Variants in CADPS2 observed in about 807,000 individuals in gnomAD.
CADPS2 encodes the protein calcium dependent secretion activator 2, also known as calcium-dependent secretion activator 2.
CADPS2 carries 93 observed loss-of-function variants against 172.5 expected under a neutral mutation model. That is an observed-to-expected ratio of 0.54 (90% confidence interval 0.46 to 0.64). CADPS2 has a LOEUF of 0.64. Among genes scored for constraint, CADPS2 ranks in the 30% least tolerant of loss-of-function variants. The pLI is 0.00. For synonymous variants in CADPS2, 546 were observed against 555.2 expected, an observed-to-expected ratio of 0.98 and a Z score of 0.23; for missense variants, 1,420 against 1,565.9, an observed-to-expected ratio of 0.91 and a Z score of 1.57.
At chr7:122,862,934 T>C (rs1167604876) in intron 1 of CADPS2, among the ~76,000 whole-genome samples, 1 of 152,162 alleles carries the variant, frequency 6.6e-6, no homozygotes, top group Admixed American at 6.5e-5. Flanking sequence ...ACTTATATAA[T>C]AAAGAAGTCT....
chr7:122,534,438 T>A lies in CADPS2; in HGVS notation c.1475+20112A>T, dbSNP rs1230335318. 2.0e-5 allele frequency among the ~76,000 whole-genome samples: 3 copies of A among 152,090 alleles called. No individual in the cohort carries two copies. In the East Asian group the frequency reaches 5.8e-4, roughly 29 times the overall value. ...ATATATTTACTAGGCTGAAAGATAT[T>A]ATGCAGATTTGTTTTTCATATAATT... On this transcript the variant is annotated intron_variant, in intron 8 of 29. Coordinates refer to ENST00000449022, the MANE Select transcript of CADPS2 (RefSeq NM_017954.11).
intron 2 of CADPS2, among the ~76,000 whole-genome samples, chr7:122,666,723 T>C (rs1459650142): frequency 1.3e-5 from 2 of 152,186 alleles, no homozygotes; most frequent in Non-Finnish European, 2.9e-5. Context: ...TTCCTGGTTC[T>C]CTTCTTACCT....
At chr7:122,864,377 G>A (rs945252701) in intron 1 of CADPS2, among the ~76,000 whole-genome samples, 3 of 152,122 alleles carry the variant, frequency 2.0e-5, no homozygotes, top group Non-Finnish European at 4.4e-5. Context: ...CTACTTGGGA[G>A]GCTGGGTCAG....
At chr7:122,347,410 T>C (rs1230295028) in intron 27 of CADPS2, among the ~76,000 whole-genome samples, 2 of 152,176 alleles carry the variant, frequency 1.3e-5, no homozygotes, top group African/African-American at 4.8e-5. Flanking sequence ...GATTTTTTGT[T>C]ACAAAGTTAT....
chr7:122,527,617 A>AGATAGAGTGTGTGTGT, intron 8 of CADPS2, among the ~76,000 whole-genome samples: 1 of 83,804 alleles, frequency 1.2e-5, no homozygotes, highest in African/African-American at 4.1e-5. Context: ...AGAGAGAGAG[A>AGATAGAGTGTGTGTGT]GTGTGTGTGT....
At chr7:122,602,139 T>G (rs552436656) in intron 6 of CADPS2, among the ~76,000 whole-genome samples, 1 of 151,960 alleles carries the variant, frequency 6.6e-6, no homozygotes, top group Admixed American at 6.6e-5. Context: ...TGTAGCAGAT[T>G]CACATACCTA....
intron 4 of CADPS2, 74 bp from the exon 5 acceptor site, chr7:122,621,791 T>A: frequency 1.2e-6 from 1 of 804,400 alleles, no homozygotes; most frequent in Non-Finnish European, 2.0e-6. Flanking sequence ...TTGTATGATA[T>A]ATATACTTCA....
intron 3 of CADPS2, among the ~76,000 whole-genome samples, chr7:122,650,865 AC>A (rs2079081849): frequency 6.6e-6 from 1 of 152,150 alleles, no homozygotes; most frequent in African/African-American, 2.4e-5. Context: ...ACATTATGAT[AC>A]ATTTATTTAC....
intron 14 of CADPS2, among the ~76,000 whole-genome samples, chr7:122,461,526 C>T (rs573634052): frequency 6.6e-6 from 1 of 152,224 alleles, no homozygotes; most frequent in African/African-American, 2.4e-5. Flanking sequence ...TTAAAAAAAG[C>T]ATCCAGAGGA....
At chr7:122,366,861 G>A (rs1447753356) in intron 25 of CADPS2, 1 of 151,948 alleles carries the variant, frequency 6.6e-6, no homozygotes, top group African/African-American at 2.4e-5. Flanking sequence ...ATAGGAAGGA[G>A]GGAGTGTTTG....
intron 8 of CADPS2, among the ~76,000 whole-genome samples, chr7:122,525,247 G>T (rs1468683231): frequency 6.6e-6 from 1 of 152,060 alleles, no homozygotes; most frequent in Non-Finnish European, 1.5e-5. Context: ...TTGCTCTCTG[G>T]TCTTGGCTAA....
intron 2 of CADPS2, among the ~76,000 whole-genome samples, chr7:122,678,621 C>T (rs2082630660): frequency 6.6e-6 from 1 of 152,034 alleles, no homozygotes; most frequent in African/African-American, 2.4e-5. Flanking sequence ...TGGGTTGCAC[C>T]ACTACTGTGG....
intron 17 of CADPS2, among the ~76,000 whole-genome samples, chr7:122,424,833 T>G (rs986051642): frequency 5.3e-5 from 8 of 151,892 alleles, no homozygotes; most frequent in Admixed American, 1.3e-4. Flanking sequence ...GCAAAGACTG[T>G]GAAGGCTTGA....
intron 11 of CADPS2, among the ~76,000 whole-genome samples, chr7:122,483,808 C>A (rs945205242): frequency 6.6e-6 from 1 of 151,958 alleles, no homozygotes; most frequent in African/African-American, 2.4e-5. Context: ...AATTCTAAAG[C>A]AATCACAAAG....
At chr7:122,593,399 T>C (rs2071216653) in intron 6 of CADPS2, among the ~76,000 whole-genome samples, 1 of 151,990 alleles carries the variant, frequency 6.6e-6, no homozygotes, top group Admixed American at 6.6e-5. Context: ...GAAATAGGGC[T>C]ACCAAGTACA....
intron 1 of CADPS2, among the ~76,000 whole-genome samples, chr7:122,831,870 T>C (rs917463886): frequency 2.0e-5 from 3 of 152,102 alleles, no homozygotes; most frequent in Non-Finnish European, 2.9e-5. Context: ...CTAATGAAAG[T>C]CTGTCTTTAA....
At chr7:122,596,902 G>A (rs2071883089) in intron 6 of CADPS2, among the ~76,000 whole-genome samples, 1 of 152,046 alleles carries the variant, frequency 6.6e-6, no homozygotes, top group African/African-American at 2.4e-5. Context: ...GGTCATGATT[G>A]AGCTGGCTGG....
chr7:122,867,885 A>G (rs1169768862), intron 1 of CADPS2, among the ~76,000 whole-genome samples: 1 of 152,094 alleles, frequency 6.6e-6, no homozygotes. Context: ...TAGTCCTGCA[A>G]TCTCACATTG....
chr7:122,810,026 C>G lies in CADPS2; in HGVS notation c.340-72958G>C, dbSNP rs557325762. On this transcript the variant is annotated intron_variant, in intron 1 of 29. Transcript: ENST00000449022. Reference sequence around the variant, plus strand: ...TCATGGTGTATTCTACTTGAAGACCCAAGCTCTGAGATCTCAGCTATACCT... The same window carrying G: ...TCATGGTGTATTCTACTTGAAGACCGAAGCTCTGAGATCTCAGCTATACCT... Among the ~76,000 whole-genome samples, 4 of 152,208 alleles carry G rather than the reference C, an allele frequency of 2.6e-5. No individual in the cohort carries two copies. The South Asian group carries it at 8.3e-4, about 32-fold the overall frequency.
Sources: gnomAD v4.1 joint callset for allele counts (sites outside exome capture counted in the v4.1 genomes callset) on GRCh38, gnomAD v4.1.1 for gene constraint, MANE v1.5 for transcripts, NCBI Gene and HGNC (gene_info 2026-07-23, HGNC 2026-07-21) for gene names.